CPA6: variants seen among roughly 807,000 people sequenced by gnomAD.
The protein encoded by CPA6 is carboxypeptidase B.
Under a neutral mutation model 63.3 loss-of-function variants are expected in CPA6, and 58 were observed. That is an observed-to-expected ratio of 0.92 (90% confidence interval 0.74 to 1.14). The LOEUF is 1.14. Among genes scored for constraint, CPA6 ranks in the 50% most tolerant of loss-of-function variants. The pLI is 0.00. For missense variants in CPA6, 565 were observed against 526.6 expected (o/e 1.07, Z -0.71); for synonymous variants, 185 against 179.0 (o/e 1.03, Z -0.27).
chr8:67,735,679 T>TG (rs1817798380), intron 1 of CPA6: 1 of 150,582 alleles, frequency 6.6e-6, no homozygotes, highest in Non-Finnish European at 1.5e-5. Flanking sequence ...GTGGCAGTCT[T>TG]TTTTTTTTTT....
At chr8:67,739,003 C>T (rs1269320210) in intron 1 of CPA6, among the ~76,000 whole-genome samples, 1 of 152,168 alleles carries the variant, frequency 6.6e-6, no homozygotes, top group Admixed American at 6.5e-5. Flanking sequence ...ACATTAACAT[C>T]CTTTGCTGCT....
chr8:67,502,293 A>T (rs1272192852), intron 6 of CPA6, among the ~76,000 whole-genome samples: 1 of 152,126 alleles, frequency 6.6e-6, no homozygotes, highest in Non-Finnish European at 1.5e-5. Flanking sequence ...CGCTGCCTCT[A>T]CAAAAAATAA....
At chr8:67,503,910 C>T (rs147175072) in intron 6 of CPA6, among the ~76,000 whole-genome samples, 2 of 152,116 alleles carry the variant, frequency 1.3e-5, no homozygotes, top group Non-Finnish European at 2.9e-5. Flanking sequence ...CATTTTCCCC[C>T]ATCCCCTGAC....
chr8:67,707,913 CAA>C (rs35572918), intron 1 of CPA6, among the ~76,000 whole-genome samples: 14 of 126,832 alleles, frequency 1.1e-4, no homozygotes, highest in Admixed American at 8.3e-5. Flanking sequence ...GACTCCATCT[CAA>C]AAAAAAAAAA....
chr8:67,592,801 G>T (rs1341244087), intron 2 of CPA6, among the ~76,000 whole-genome samples: 1 of 152,066 alleles, frequency 6.6e-6, no homozygotes, highest in African/African-American at 2.4e-5. Flanking sequence ...CTTGCTAGTG[G>T]TCTATCAATT....
At chr8:67,538,765 T>C (rs1356441053) in intron 2 of CPA6, among the ~76,000 whole-genome samples, 1 of 152,078 alleles carries the variant, frequency 6.6e-6, no homozygotes, top group East Asian at 1.9e-4. Flanking sequence ...GTTCATGCCA[T>C]TCTCCTGCCT....
chr8:67,543,912 T>G (rs1812760183), intron 2 of CPA6, among the ~76,000 whole-genome samples: 1 of 151,844 alleles, frequency 6.6e-6, no homozygotes, highest in Non-Finnish European at 1.5e-5. Context: ...GCCTCTTGAG[T>G]AGCTGAGACT....
intron 2 of CPA6, among the ~76,000 whole-genome samples, chr8:67,617,697 A>T (rs1193065801): frequency 6.6e-6 from 1 of 152,212 alleles, no homozygotes; most frequent in African/African-American, 2.4e-5. Context: ...TCTGTAGGTC[A>T]GAAGTCTGGG....
intron 1 of CPA6, among the ~76,000 whole-genome samples, chr8:67,704,746 T>C (rs1817097178): frequency 1.3e-5 from 2 of 152,184 alleles, no homozygotes; most frequent in African/African-American, 4.8e-5. Context: ...TAAGGATGAA[T>C]GAGGGTCACC....
chr8:67,443,577 G>A (rs1049543702), intron 8 of CPA6, among the ~76,000 whole-genome samples: 2 of 152,176 alleles, frequency 1.3e-5, no homozygotes, highest in African/African-American at 2.4e-5. Flanking sequence ...TTATCGAGCT[G>A]TGCAACCATC....
chr8:67,700,196 A>G (rs909233282), intron 1 of CPA6, among the ~76,000 whole-genome samples: 1 of 152,188 alleles, frequency 6.6e-6, no homozygotes, highest in South Asian at 2.1e-4. Flanking sequence ...TGCAGCTCTG[A>G]TGTCTTCTGG....
chr8:67,706,236 A>G (rs533567469), intron 1 of CPA6, among the ~76,000 whole-genome samples: 1 of 152,218 alleles, frequency 6.6e-6, no homozygotes, highest in Non-Finnish European at 1.5e-5. Context: ...AATTCTAGGT[A>G]AGGACTGTGG....
chr8:67,658,458 C>T (rs1199581180), intron 1 of CPA6, among the ~76,000 whole-genome samples: 4 of 152,262 alleles, frequency 2.6e-5, no homozygotes, highest in South Asian at 2.1e-4. Flanking sequence ...GGATCCTCCC[C>T]CGTACCCACC....
chr8:67,458,487 C>T (rs6472305), intron 8 of CPA6, among the ~76,000 whole-genome samples: 1,651 of 152,248 alleles, frequency 0.011, 23 homozygotes, highest in African/African-American at 0.038. Context: ...AGTGAGCCAT[C>T]GTGCCTGGCC....
intron 8 of CPA6, among the ~76,000 whole-genome samples, chr8:67,461,249 G>C (rs994348062): frequency 2.8e-5 from 4 of 141,894 alleles, no homozygotes; most frequent in Non-Finnish European, 6.1e-5. Context: ...TGAGATTAGG[G>C]AGTGGTGATG....
chr8:67,738,257 G>A (rs75555072), intron 1 of CPA6, among the ~76,000 whole-genome samples: 4,778 of 152,254 alleles, frequency 0.031, 221 homozygotes, highest in African/African-American at 0.1. Context: ...GGACTGTCTA[G>A]CTGATTCTGG....
intron 2 of CPA6, among the ~76,000 whole-genome samples, chr8:67,608,468 GTT>G (rs1564022318): frequency 6.6e-6 from 1 of 152,128 alleles, no homozygotes; most frequent in Non-Finnish European, 1.5e-5. Flanking sequence ...TTCCCGCTCC[GTT>G]CACTTTCCAG....
intron 2 of CPA6, among the ~76,000 whole-genome samples, chr8:67,604,731 C>T (rs915236738): frequency 6.6e-6 from 1 of 152,068 alleles, no homozygotes; most frequent in Non-Finnish European, 1.5e-5. Flanking sequence ...ACATAGGACA[C>T]GTGGAGATTA....
At chr8:67,739,915 A>G (rs1250612384) in intron 1 of CPA6, among the ~76,000 whole-genome samples, 1 of 152,228 alleles carries the variant, frequency 6.6e-6, no homozygotes, top group Non-Finnish European at 1.5e-5. Context: ...GACTGAGATT[A>G]AAACAAAAAG....
Sources: allele counts gnomAD v4.1 joint callset (sites outside exome capture counted in the v4.1 genomes callset), GRCh38; gene constraint gnomAD v4.1.1; transcripts MANE v1.5; gene names NCBI Gene and HGNC (gene_info 2026-07-23, HGNC 2026-07-21).